Variants in SERGEF observed in about 807,000 individuals in gnomAD.
SERGEF encodes the protein secretion-regulating guanine nucleotide exchange factor.
SERGEF carries 51 observed loss-of-function variants against 50.0 expected under a neutral mutation model. The observed-to-expected ratio is 1.02, with a 90% CI of 0.81 to 1.29. SERGEF has a LOEUF of 1.29. Among genes scored for constraint, SERGEF ranks in the 50% most tolerant of loss-of-function variants. SERGEF has a pLI of 0.00. For missense variants in SERGEF, 521 were observed against 557.0 expected (o/e 0.94, Z 0.65); for synonymous variants, 205 against 212.4 (o/e 0.97, Z 0.30).
intron 9 of SERGEF, among the ~76,000 whole-genome samples, chr11:17,938,672 A>G (rs111430634): frequency 0.053 from 8,108 of 152,276 alleles, 317 homozygotes; most frequent in Non-Finnish European, 0.077. Flanking sequence ...GGAAATATGA[A>G]GTTCATACTT....
intron 9 of SERGEF, among the ~76,000 whole-genome samples, chr11:17,911,919 T>C (rs1327111008): frequency 6.6e-6 from 1 of 152,114 alleles, no homozygotes; most frequent in Non-Finnish European, 1.5e-5. Flanking sequence ...TGGAGGTAGC[T>C]GGGTAGTAGT....
chr11:17,958,183 CG>C (rs1431843997), intron 9 of SERGEF, among the ~76,000 whole-genome samples: 1 of 152,144 alleles, frequency 6.6e-6, no homozygotes, highest in Non-Finnish European at 1.5e-5. Flanking sequence ...AATTGAGAAG[CG>C]TCCTACATAC....
At chr11:17,872,846 C>T (rs1851167512) in intron 10 of SERGEF, among the ~76,000 whole-genome samples, 1 of 152,086 alleles carries the variant, frequency 6.6e-6, no homozygotes. Context: ...ATGGAAAGAT[C>T]TCCCAGAAAA....
chr11:17,952,291 A>G (rs1257661837), intron 9 of SERGEF, among the ~76,000 whole-genome samples: 1 of 152,224 alleles, frequency 6.6e-6, no homozygotes, highest in Admixed American at 6.5e-5. Context: ...CATCTGTTGA[A>G]TAAATAAATA....
At chr11:17,828,140 C>T (rs963685697) in intron 10 of SERGEF, among the ~76,000 whole-genome samples, 4 of 152,164 alleles carry the variant, frequency 2.6e-5, no homozygotes, top group Non-Finnish European at 5.9e-5. Context: ...TGCCTGGACT[C>T]CTCACTCTCA....
chr11:17,864,630 G>T (rs1850988685), intron 10 of SERGEF, among the ~76,000 whole-genome samples: 1 of 152,138 alleles, frequency 6.6e-6, no homozygotes, highest in African/African-American at 2.4e-5. Flanking sequence ...TAGTGGCAAC[G>T]AATATATCAG....
At chr11:17,843,033 T>C (rs969190360) in intron 10 of SERGEF, among the ~76,000 whole-genome samples, 1 of 152,204 alleles carries the variant, frequency 6.6e-6, no homozygotes, top group East Asian at 1.9e-4. Context: ...CAACCTATAA[T>C]AGTTCCTTGA....
chr11:17,893,007 C>T (rs764479494), intron 9 of SERGEF, among the ~76,000 whole-genome samples: 1 of 152,130 alleles, frequency 6.6e-6, no homozygotes, highest in Non-Finnish European at 1.5e-5. Context: ...CACAGAGTGG[C>T]CTTGTCTGAT....
chr11:17,933,203 T>C (rs1306682861), intron 9 of SERGEF, among the ~76,000 whole-genome samples: 1 of 152,152 alleles, frequency 6.6e-6, no homozygotes, highest in Non-Finnish European at 1.5e-5. Flanking sequence ...AAGATACACA[T>C]GGTTAATCAT....
chr11:17,854,517 A>T (rs1235067212), intron 10 of SERGEF, among the ~76,000 whole-genome samples: 2 of 152,026 alleles, frequency 1.3e-5, no homozygotes, highest in African/African-American at 4.8e-5. Context: ...AATCCTTTTC[A>T]TATTAGGCCA....
At chr11:17,866,679 G>A (rs747507456) in intron 10 of SERGEF, 7 of 152,116 alleles carry the variant, frequency 4.6e-5, no homozygotes, top group Non-Finnish European at 8.8e-5. Context: ...TAATTTTTTT[G>A]TATTTTTAGT....
At chr11:17,959,083 G>A (rs1355773217) in intron 9 of SERGEF, among the ~76,000 whole-genome samples, 1 of 152,092 alleles carries the variant, frequency 6.6e-6, no homozygotes, top group Admixed American at 6.5e-5. Context: ...TAGCCAGGCT[G>A]GTCTCGAACT....
At chr11:17,844,254 T>C (rs1177532119) in intron 10 of SERGEF, among the ~76,000 whole-genome samples, 6 of 152,202 alleles carry the variant, frequency 3.9e-5, no homozygotes, top group African/African-American at 7.2e-5. Context: ...ATACATTATA[T>C]ACATATTTAT....
chr11:17,924,788 A>G (rs2133942345), intron 9 of SERGEF, among the ~76,000 whole-genome samples: 1 of 152,318 alleles, frequency 6.6e-6, no homozygotes, highest in African/African-American at 2.4e-5. Context: ...ATTCCCCAAG[A>G]CTTCTTCACA....
chr11:17,789,651 T>C (rs1466100814), intron 10 of SERGEF, among the ~76,000 whole-genome samples: 3 of 152,246 alleles, frequency 2.0e-5, no homozygotes, highest in African/African-American at 7.2e-5. Context: ...ACAATATGGA[T>C]GTGTAAGGAA....
chr11:17,893,082 C>T (rs1202019238), intron 9 of SERGEF, among the ~76,000 whole-genome samples: 1 of 152,162 alleles, frequency 6.6e-6, no homozygotes, highest in Non-Finnish European at 1.5e-5. Flanking sequence ...GAGTGCCAGG[C>T]CAGCTCACAG....
chr11:17,844,024 GTA>G (rs1338673892), intron 10 of SERGEF, among the ~76,000 whole-genome samples: 2 of 152,170 alleles, frequency 1.3e-5, no homozygotes, highest in Non-Finnish European at 2.9e-5. Context: ...GCCCAGGAAT[GTA>G]TATGTTTAAT....
chr11:17,793,108 G>A (rs1438946747), intron 10 of SERGEF, among the ~76,000 whole-genome samples: 2 of 152,290 alleles, frequency 1.3e-5, no homozygotes, highest in African/African-American at 2.4e-5. Flanking sequence ...CCATGAGGAG[G>A]AGCAATGCCC....
intron 9 of SERGEF, among the ~76,000 whole-genome samples, chr11:17,928,718 G>A (rs912409678): frequency 3.9e-5 from 6 of 151,968 alleles, no homozygotes; most frequent in African/African-American, 1.5e-4. Context: ...CGTGAACTAA[G>A]CTTACTCCTC....
Sources: allele counts gnomAD v4.1 joint callset (sites outside exome capture counted in the v4.1 genomes callset), GRCh38; gene constraint gnomAD v4.1.1; transcripts MANE v1.5; gene names NCBI Gene and HGNC (gene_info 2026-07-23, HGNC 2026-07-21).